The following NAA40 variants were observed in gnomAD, a reference collection of about 807,000 sequenced individuals.
The protein encoded by NAA40 is N-alpha-acetyltransferase 40.
Under a neutral mutation model 36.6 loss-of-function variants are expected in NAA40, and 26 were observed. That is an observed-to-expected ratio of 0.71 (90% CI 0.52 to 0.98). The LOEUF (loss-of-function observed/expected upper bound fraction) is 0.98. Ranked by LOEUF, NAA40 falls within the 50% of genes least tolerant of loss-of-function variation. NAA40 has a pLI of 0.00. For missense variants in NAA40, 237 were observed against 306.5 expected, an observed-to-expected ratio of 0.77 and a Z score of 1.69; for synonymous variants, 129 against 108.4, an observed-to-expected ratio of 1.19 and a Z score of -1.18.
Position 63,952,239 on chromosome 11 carries a change from T to C in NAA40, c.157T>C (p.Leu53=), listed in dbSNP as rs745452718. ...GTACACGTCCTGTCCTCTTCTCAGG[T>C]TGAATGTCTCCATTGAATGTAAGCG... ...PVFKKYDRNG[L]NVSIECKRVS... is the part of the protein sequence containing the mutation. Residue 53 remains leucine, a splice_region_variant and synonymous_variant, in exon 4 of 8, where the codon TTG becomes CTG. Coordinates refer to ENST00000377793, the MANE Select transcript of NAA40 (RefSeq NM_024771.4). 1.9e-6 allele frequency: 3 copies of C among 1,610,002 alleles called. No individual in the cohort carries two copies. In the South Asian group the frequency reaches 3.3e-5, roughly 18 times the overall value.
chr11:63,942,609 C>G (rs755065446), intron 1 of NAA40, among the ~76,000 whole-genome samples: 7 of 152,216 alleles, frequency 4.6e-5, no homozygotes, highest in Non-Finnish European at 1.0e-4. Context: ...CTTTACTGTT[C>G]ACTGTGCTTA....
Position 63,954,529 on chromosome 11 carries a change from T to C in NAA40, c.*50T>C. On this transcript the variant is annotated 3_prime_UTR_variant, in exon 8 of 8. Coordinates refer to ENST00000377793, the MANE Select transcript of NAA40 (RefSeq NM_024771.4). ...CAATGCTCTCTCCTAAGGCCTTTCCTCTTTCCTGGTCTCACTGTTCACCGG... is the reference window on the plus strand; with the variant it reads ...CAATGCTCTCTCCTAAGGCCTTTCCCCTTTCCTGGTCTCACTGTTCACCGG... 1 of 1,522,846 alleles carries C rather than the reference T, an allele frequency of 6.6e-7. No homozygotes were observed. Among genetic ancestry groups the C allele is most frequent in the Non-Finnish European group, 8.8e-7 (1 of 1,134,970 alleles). 94.3% of individuals were successfully genotyped at this position (1,522,846 alleles called of 1,614,324 possible).
At chr11:63,939,689 C>G (rs915457095) in intron 1 of NAA40, among the ~76,000 whole-genome samples, 2 of 152,190 alleles carry the variant, frequency 1.3e-5, no homozygotes, top group Admixed American at 1.3e-4. Context: ...CACAGCCTTC[C>G]TTTCCCATAG....
At chr11:63,949,743 G>GTTTT (rs10708671) in intron 3 of NAA40, among the ~76,000 whole-genome samples, 10 of 108,448 alleles carry the variant, frequency 9.2e-5, no homozygotes, top group Admixed American at 1.2e-4. Context: ...CTTGCAAGCT[G>GTTTT]TTTTTTTTTT....
intron 1 of NAA40, among the ~76,000 whole-genome samples, chr11:63,943,571 T>A (rs903587366): frequency 6.6e-6 from 1 of 152,196 alleles, no homozygotes; most frequent in African/African-American, 2.4e-5. Flanking sequence ...CTCTGCCCTT[T>A]ATTCACTGCA....
intron 1 of NAA40, chr11:63,939,384 A>T: frequency 8.7e-7 from 1 of 1,142,878 alleles, no homozygotes; most frequent in Non-Finnish European, 1.1e-6. Flanking sequence ...CCTCCCCACC[A>T]CCGTCCCCCG....
chr11:63,946,044 C>A, intron 2 of NAA40, 109 bp downstream of exon 2: 1 of 923,536 alleles, frequency 1.1e-6, no homozygotes, highest in Non-Finnish European at 1.7e-6. Flanking sequence ...TACCCACCCA[C>A]ACCGCCTCTG....
chr11:63,949,481 T>G (rs1298190177), intron 3 of NAA40, among the ~76,000 whole-genome samples: 1 of 152,134 alleles, frequency 6.6e-6, no homozygotes, highest in South Asian at 2.1e-4. Flanking sequence ...TCCAGTTAAC[T>G]ATAGGCTCTG....
In NAA40 at chr11:63,945,741, C is replaced by T. The variant is rs1942175594; in HGVS notation, c.7-99C>T. On this transcript the variant is annotated intron_variant, in intron 1 of 7. Transcript: ENST00000377793. ...AGGTGGGAAATTTCTCACTGCTGGG[C>T]CAGGCCTGTGGATGCAGGGCCCTTC... is the stretch of plus-strand genomic sequence containing the variant. 4 of 1,045,952 alleles carry T rather than the reference C, an allele frequency of 3.8e-6. No homozygotes were observed. In the African/African-American group the frequency reaches 4.6e-5, roughly 12 times the overall value. The allele number at this position is 1,045,952 out of a possible 1,614,324, so 64.8% of individuals were successfully genotyped here.
At chr11:63,949,420 C>T (rs1942240070) in intron 3 of NAA40, among the ~76,000 whole-genome samples, 1 of 151,968 alleles carries the variant, frequency 6.6e-6, no homozygotes, top group South Asian at 2.1e-4. Context: ...AATCATCGTA[C>T]CCAATAGGTA....
chr11:63,951,280 C>T (rs566418298), intron 3 of NAA40, among the ~76,000 whole-genome samples: 8 of 152,256 alleles, frequency 5.3e-5, no homozygotes, highest in African/African-American at 1.7e-4. Context: ...AAACAGATAC[C>T]TTAACACTTA....
intron 1 of NAA40, among the ~76,000 whole-genome samples, chr11:63,945,037 G>T (rs1028843531): frequency 6.6e-6 from 1 of 152,134 alleles, no homozygotes; most frequent in East Asian, 1.9e-4. Flanking sequence ...AGAATCTCAC[G>T]TCGGCCTCAA....
chr11:63,947,765 CGTTCAG>C (rs1942212576), intron 3 of NAA40, among the ~76,000 whole-genome samples: 1 of 132,170 alleles, frequency 7.6e-6, no homozygotes, highest in Admixed American at 8.9e-5. Flanking sequence ...CTCACTCTGT[CGTTCAG>C]GCTGGAGTGC....
intron 6 of NAA40, among the ~76,000 whole-genome samples, chr11:63,953,043 A>G (rs1170560865): frequency 2.4e-5 from 1 of 42,432 alleles, no homozygotes; most frequent in Admixed American, 3.7e-4. Flanking sequence ...TGCAGTGAAC[A>G]TCTTTTTTTT....
intron 3 of NAA40, among the ~76,000 whole-genome samples, chr11:63,949,663 T>A (rs1485876277): frequency 6.6e-6 from 1 of 151,976 alleles, no homozygotes; most frequent in Non-Finnish European, 1.5e-5. Flanking sequence ...TTAATAACTC[T>A]ACTTGGAGAA....
At chr11:63,954,239 T>C in intron 7 of NAA40, 99 bp from the exon 8 acceptor site, 2 of 1,490,112 alleles carry the variant, frequency 1.3e-6, no homozygotes, top group South Asian at 2.7e-5. Context: ...ACCCTCATCC[T>C]AAGGGTCTCA....
chr11:63,953,163 T>C (rs1942309888), intron 6 of NAA40, among the ~76,000 whole-genome samples: 1 of 151,216 alleles, frequency 6.6e-6, no homozygotes, highest in South Asian at 2.1e-4. Flanking sequence ...ATTCTTCTGC[T>C]CAGCCTCCCA....
In NAA40 at chr11:63,954,039, G is replaced by A; in HGVS notation, c.562G>A (p.Glu188Lys). The A allele has an allele frequency of 6.2e-7, 1 of 1,614,198 alleles. No individual in the cohort carries two copies. ...TCATGGTGCCTACCAGTTCTTCAGAGAAGCGTTGCAGTAAGGAGCTGGGTG... is the reference window on the plus strand; with the variant it reads ...TCATGGTGCCTACCAGTTCTTCAGAAAAGCGTTGCAGTAAGGAGCTGGGTG... ...HNHGAYQFFR[E>K]ALQFEIDDSS... is the part of the protein sequence containing the mutation. Residue 188 changes from glutamate to lysine, a missense_variant, in exon 7 of 8, where the codon GAA (glutamate) becomes AAA (lysine). Transcript: ENST00000377793.
rs199970608 is a variant in NAA40, at chr11:63,952,492, G to T, written c.337G>T (p.Glu113Ter). 6 of 1,614,074 alleles carry T rather than the reference G, an allele frequency of 3.7e-6. No homozygotes were observed. Among genetic ancestry groups the T allele is most frequent in the Non-Finnish European group, 5.1e-6 (6 of 1,180,056 alleles). ...DDRAWYLIAWENSSVPVAFSH... is the reference protein window; with the variant it reads ...DDRAWYLIAW ...CCGAGCCTGGTACCTCATCGCGTGGGAAAACAGCTCCGTCCCTGTTGCCTT... is the reference window on the plus strand; with the variant it reads ...CCGAGCCTGGTACCTCATCGCGTGGTAAAACAGCTCCGTCCCTGTTGCCTT... The change falls in exon 5 of 8, where the codon GAA becomes TAA. Residue 113 changes from glutamate (E) to a stop codon, truncating the protein, a stop_gained. Transcript: ENST00000377793. LOFTEE classifies it high-confidence loss of function.
Sources: allele counts gnomAD v4.1 joint callset (sites outside exome capture counted in the v4.1 genomes callset), GRCh38; gene constraint gnomAD v4.1.1; transcripts MANE v1.5; gene names NCBI Gene and HGNC (gene_info 2026-07-23, HGNC 2026-07-21).